CENPC: variants seen among roughly 807,000 people sequenced by gnomAD.
The protein encoded by CENPC is CENP-C 1.
In CENPC, 63 loss-of-function variants were observed where a neutral mutation model predicts 112.1. That is an observed-to-expected ratio of 0.56 (90% CI 0.46 to 0.69). The LOEUF is 0.69. CENPC is among the 30% of genes least tolerant of loss of function. The pLI, the probability that CENPC is intolerant of heterozygous loss-of-function variation, is 0.00. For synonymous variants in CENPC, 333 were observed against 367.6 expected (o/e 0.91, Z 1.08); for missense variants, 1,000 against 1,103.8 (o/e 0.91, Z 1.33).
chr4:67,534,797 T>C (rs1427236805), intron 4 of CENPC, among the ~76,000 whole-genome samples: 1 of 152,224 alleles, frequency 6.6e-6, no homozygotes, highest in African/African-American at 2.4e-5. Context: ...GCTTCCAATG[T>C]GTTTTAGTTT....
chr4:67,491,853 T>C (rs933854887), intron 16 of CENPC, among the ~76,000 whole-genome samples: 5 of 152,124 alleles, frequency 3.3e-5, no homozygotes, highest in Non-Finnish European at 7.4e-5. Flanking sequence ...CTATCTACAA[T>C]TCCCCATAAA....
At chr4:67,476,615 A>T (rs909500421) in intron 17 of CENPC, among the ~76,000 whole-genome samples, 1 of 152,152 alleles carries the variant, frequency 6.6e-6, no homozygotes. Context: ...AAAGAAGGAA[A>T]CTTCCAGCTG....
intron 8 of CENPC, 48 bp from the exon 9 acceptor site, chr4:67,512,617 T>A: frequency 7.5e-7 from 1 of 1,331,042 alleles, no homozygotes; most frequent in Non-Finnish European, 9.9e-7. Flanking sequence ...ACTAAAAGAG[T>A]TTTCAGAAAA....
rs78866972 is a variant in CENPC, at chr4:67,474,089, G to C, written c.2761+799C>G. Reference sequence around the variant, plus strand: ...TAAATGTATTTTTTTTTTTGAGACCGAGTCTCACTCTGTCCCCTAGGCTGG... The same window carrying C: ...TAAATGTATTTTTTTTTTTGAGACCCAGTCTCACTCTGTCCCCTAGGCTGG... On this transcript the variant is annotated intron_variant, in intron 18 of 18. Transcript: ENST00000273853. Among the ~76,000 whole-genome samples the C allele has an allele frequency of 3.8e-3, 574 of 150,178 alleles. 4 individuals carry two copies. Among genetic ancestry groups the C allele is most frequent in the African/African-American group, 0.014 (554 of 40,822 alleles).
chr4:67,533,329 T>C (rs1450783381), intron 4 of CENPC, among the ~76,000 whole-genome samples: 2 of 152,256 alleles, frequency 1.3e-5, no homozygotes, highest in East Asian at 3.9e-4. Flanking sequence ...GCCATGATTA[T>C]GAGGCCTCCA....
intron 4 of CENPC, among the ~76,000 whole-genome samples, chr4:67,537,140 C>T (rs1726746793): frequency 6.7e-6 from 1 of 148,266 alleles, no homozygotes; most frequent in Non-Finnish European, 1.5e-5. Flanking sequence ...CATGACAAAA[C>T]AACATTATCC....
In CENPC at chr4:67,512,492, G is replaced by A; in HGVS notation, c.1522C>T (p.Leu508Phe). The part of the protein sequence containing the change: ...KRFSSESKNK[L>F]VPEEVTSTVT... ...GTTGAAGTCACTTCTTCAGGTACAA[G>A]TTTGTTCTTGGACTCACTGGAAAAG... Residue 508 changes from leucine (L) to phenylalanine (F), a missense_variant, in exon 9 of 19, where the codon CTT becomes TTT. Coordinates refer to ENST00000273853, the MANE Select transcript of CENPC (RefSeq NM_001812.4). 1.3e-6 allele frequency: 2 copies of A among 1,594,238 alleles called. No individual in the cohort carries two copies. Among genetic ancestry groups the A allele is most frequent in the South Asian group, 2.3e-5 (2 of 87,296 alleles).
intron 9 of CENPC, 92 bp from the exon 10 acceptor site, chr4:67,509,197 C>A: frequency 1.3e-4 from 72 of 561,438 alleles, no homozygotes; most frequent in Middle Eastern, 4.7e-4. Context: ...TGCATATAAA[C>A]ATATACACAT....
At chr4:67,528,550 T>C (rs755724687) in intron 5 of CENPC, among the ~76,000 whole-genome samples, 10 of 152,222 alleles carry the variant, frequency 6.6e-5, no homozygotes, top group Admixed American at 3.9e-4. Context: ...ATACCTCATG[T>C]AAGTAGAACT....
Position 67,472,433 on chromosome 4 carries a change from T to C in CENPC, c.*172A>G, listed in dbSNP as rs1724690971. 3 of 844,414 alleles carry C rather than the reference T, an allele frequency of 3.6e-6. No individual in the cohort carries two copies. The highest frequency in any genetic ancestry group is 6.5e-5 in the Admixed American group (1 of 15,436). 52.3% of individuals were successfully genotyped at this position (844,414 alleles called of 1,614,324 possible). A position where few individuals can be genotyped will look rare whatever the true frequency, so the allele number is the denominator to read the frequency against. ...GCTATTATGTACAGTCACTGAAAAA[T>C]CAGAAAAAACATGTGAGTTAGAAAT... is the stretch of plus-strand genomic sequence containing the variant. On this transcript the variant is annotated 3_prime_UTR_variant, in exon 19 of 19. Transcript: ENST00000273853.
chr4:67,491,474 TATATATAGAGAGAGAGAGAGAGAG>T (rs1725267094), intron 16 of CENPC, among the ~76,000 whole-genome samples: 1 of 32,766 alleles, frequency 3.1e-5, no homozygotes, highest in Non-Finnish European at 6.3e-5. Flanking sequence ...TATATATATA[TATATATAGAGAGAGAGAGAGAGAG>T]AGAGAGAGAG....
chr4:67,485,098 G>A (rs1315097981), intron 17 of CENPC, among the ~76,000 whole-genome samples: 1 of 151,960 alleles, frequency 6.6e-6, no homozygotes. Flanking sequence ...AACTCAAAAA[G>A]ATTATCACCT....
chr4:67,510,827 G>A (rs2109800309), intron 9 of CENPC: 1 of 345,442 alleles, frequency 2.9e-6, no homozygotes. Context: ...TGAGAGTTTA[G>A]ACTATATGAT....
chr4:67,495,645 A>AAAAC (rs1167870505), intron 12 of CENPC, among the ~76,000 whole-genome samples: 14 of 152,200 alleles, frequency 9.2e-5, no homozygotes, highest in African/African-American at 3.1e-4. Flanking sequence ...TGTAACAGTT[A>AAAAC]AAACAAACAA....
At chr4:67,522,425 T>C (rs1726253402) in intron 5 of CENPC, among the ~76,000 whole-genome samples, 1 of 152,210 alleles carries the variant, frequency 6.6e-6, no homozygotes, top group African/African-American at 2.4e-5. Flanking sequence ...ATTTGACACC[T>C]GGTCTTGACT....
Position 67,544,185 on chromosome 4 carries a change from T to C in CENPC, c.29A>G (p.Lys10Arg), listed in dbSNP as rs1726963592. The change falls in exon 2 of 19, where the codon AAA (lysine) becomes AGA (arginine). Residue 10 changes from lysine (K) to arginine (R), a missense_variant. Lys to Arg is a conservative substitution (Grantham distance 26). Coordinates refer to ENST00000273853, the MANE Select transcript of CENPC (RefSeq NM_001812.4). MAASGLDHLKNGYRRRFCRP... is the reference protein window; with the variant it reads MAASGLDHLRNGYRRRFCRP... ...ACAAAATCTTCTTCTGTAGCCATTTTTGAGATGATCCTGAAAGAAAAGTAA... is the reference window on the plus strand; with the variant it reads ...ACAAAATCTTCTTCTGTAGCCATTTCTGAGATGATCCTGAAAGAAAAGTAA... The C allele has an allele frequency of 6.4e-7, 1 of 1,557,830 alleles. No individual in the cohort carries two copies.
chr4:67,483,482 T>C, intron 17 of CENPC, among the ~76,000 whole-genome samples: 1 of 152,116 alleles, frequency 6.6e-6, no homozygotes, highest in Admixed American at 6.5e-5. Flanking sequence ...TAAACAACTA[T>C]GCCACTGGCT....
chr4:67,530,173 A>C (rs1015605642), intron 5 of CENPC, among the ~76,000 whole-genome samples: 2 of 152,200 alleles, frequency 1.3e-5, no homozygotes, highest in Admixed American at 1.3e-4. Context: ...AACAAACTTA[A>C]AGCTATAAAA....
At chr4:67,492,695 T>C in intron 15 of CENPC, 174 bp downstream of exon 15, 1 of 1,082,714 alleles carries the variant, frequency 9.2e-7, no homozygotes, top group Non-Finnish European at 1.2e-6. Context: ...TTTTTAAGAA[T>C]AAAATTAGCT....
Sources: gnomAD v4.1 joint callset for allele counts (sites outside exome capture counted in the v4.1 genomes callset) on GRCh38, gnomAD v4.1.1 for gene constraint, MANE v1.5 for transcripts, NCBI Gene and HGNC (gene_info 2026-07-23, HGNC 2026-07-21) for gene names.